Variants in PAPPA2 observed in about 807,000 individuals in gnomAD.
The protein encoded by PAPPA2 is pappalysin 2.
Under a neutral mutation model 176.4 loss-of-function variants are expected in PAPPA2, and 86 were observed. That is an observed-to-expected ratio of 0.49 (90% CI 0.41 to 0.58). The LOEUF is 0.58. Among genes scored for constraint, PAPPA2 ranks in the 20% least tolerant of loss-of-function variants. The probability of loss-of-function intolerance (pLI) is 0.00; values close to 1 mark genes in which losing one functional copy is unlikely to be tolerated. For synonymous variants in PAPPA2, 809 were observed against 852.2 expected (o/e 0.95, Z 0.88); for missense variants, 2,073 against 2,256.9 (o/e 0.92, Z 1.65).
intron 21 of PAPPA2, among the ~76,000 whole-genome samples, chr1:176,827,192 G>A (rs1666893078): frequency 6.6e-6 from 1 of 151,926 alleles, no homozygotes; most frequent in African/African-American, 2.4e-5. Flanking sequence ...CTTGGTCCTG[G>A]CCCTTCCAGT....
intron 3 of PAPPA2, among the ~76,000 whole-genome samples, chr1:176,601,698 C>T (rs1654331712): frequency 6.6e-6 from 1 of 152,206 alleles, no homozygotes; most frequent in East Asian, 1.9e-4. Context: ...GTGTCCACTT[C>T]AGTAAAATCA....
chr1:176,554,967 CAGT>C (rs1329203069), intron 1 of PAPPA2, among the ~76,000 whole-genome samples: 1 of 138,056 alleles, frequency 7.2e-6, no homozygotes, highest in Non-Finnish European at 1.6e-5. Context: ...GATCTGTTCA[CAGT>C]AAGTGTGTGT....
intron 11 of PAPPA2, 25 bp from the exon 12 acceptor site, chr1:176,711,810 A>G (rs1661158345): frequency 1.3e-6 from 2 of 1,586,196 alleles, no homozygotes; most frequent in Non-Finnish European, 1.7e-6. Flanking sequence ...CACACTTCAA[A>G]TTGTTGGTTG....
intron 1 of PAPPA2, among the ~76,000 whole-genome samples, chr1:176,541,749 G>A (rs1341332089): frequency 1.3e-5 from 2 of 152,182 alleles, no homozygotes; most frequent in Admixed American, 6.5e-5. Flanking sequence ...CAGCTACCAT[G>A]TTATTGAAGG....
rs1411356849 is a variant in PAPPA2, at chr1:176,557,211, G to A, written c.889G>A (p.Gly297Arg). ...AGTGGAAGCCTGGGTTAAACCGGAG[G>A]GAGGACAGAACAACCCAGCCATCAT... The part of the protein sequence containing the change: ...FTVEAWVKPE[G>R]GQNNPAIIAG... Residue 297 changes from glycine to arginine, a missense_variant, in exon 2 of 23, where the codon GGA becomes AGA. Gly to Arg is a moderately radical substitution (Grantham distance 125). Coordinates refer to ENST00000367662, the MANE Select transcript of PAPPA2 (RefSeq NM_020318.3). 1 of 1,605,834 alleles carries A rather than the reference G, an allele frequency of 6.2e-7. No individual in the cohort carries two copies. The highest frequency in any genetic ancestry group is 1.7e-5 in the Admixed American group (1 of 58,674).
At chr1:176,711,758 G>C (rs1661155424) in intron 11 of PAPPA2, 77 bp from the exon 12 acceptor site, 2 of 1,477,542 alleles carry the variant, frequency 1.4e-6, no homozygotes, top group Non-Finnish European at 1.9e-6. Flanking sequence ...ACTTTGCTTT[G>C]AGCTGGAGAG....
intron 21 of PAPPA2, among the ~76,000 whole-genome samples, chr1:176,804,939 G>A (rs534324951): frequency 6.6e-6 from 1 of 152,196 alleles, no homozygotes; most frequent in East Asian, 1.9e-4. Context: ...AGAAAGAAAG[G>A]AAGAGAGGAA....
intron 12 of PAPPA2, among the ~76,000 whole-genome samples, chr1:176,731,726 T>G (rs987717590): frequency 6.6e-6 from 1 of 152,186 alleles, no homozygotes. Context: ...CACACATATA[T>G]GTGTACATAT....
intron 3 of PAPPA2, 79 bp downstream of exon 3, chr1:176,595,674 A>T: frequency 7.3e-7 from 1 of 1,376,032 alleles, no homozygotes; most frequent in South Asian, 1.4e-5. Context: ...TTTGGAGGCA[A>T]ATGTGTTCAC....
intron 3 of PAPPA2, among the ~76,000 whole-genome samples, chr1:176,664,560 C>A (rs1658524897): frequency 6.6e-6 from 1 of 152,160 alleles, no homozygotes; most frequent in African/African-American, 2.4e-5. Flanking sequence ...TCTAAACAGT[C>A]CTTTTTGCCA....
chr1:176,475,556 G>A (rs1025168771), intron 1 of PAPPA2, among the ~76,000 whole-genome samples: 8 of 152,118 alleles, frequency 5.3e-5, no homozygotes, highest in Non-Finnish European at 1.2e-4. Context: ...GGCTACAGAT[G>A]TTTTTGTCCT....
At chr1:176,476,164 C>G (rs1275581291) in intron 1 of PAPPA2, among the ~76,000 whole-genome samples, 1 of 152,114 alleles carries the variant, frequency 6.6e-6, no homozygotes, top group Non-Finnish European at 1.5e-5. Context: ...TATTGAAAAT[C>G]CAGTCTCAAG....
chr1:176,824,997 C>T (rs1666801235), intron 21 of PAPPA2, among the ~76,000 whole-genome samples: 1 of 152,136 alleles, frequency 6.6e-6, no homozygotes. Context: ...TGCCTCTGAC[C>T]TGGTTCCATG....
intron 3 of PAPPA2, among the ~76,000 whole-genome samples, chr1:176,648,400 CTCTT>C (rs1206323409): frequency 6.6e-6 from 1 of 151,364 alleles, no homozygotes; most frequent in African/African-American, 2.4e-5. Flanking sequence ...TTTGAGTCCT[CTCTT>C]TCTAGTTTGG....
Position 176,575,591 on chromosome 1 carries a change from T to C in PAPPA2, c.919+18350T>C, listed in dbSNP as rs543228214. ...AATTTGTATATTCAACAAGTATTTA[T>C]TAAATATGCAATATGTGCTAGGTTC... On this transcript the variant is annotated intron_variant, in intron 2 of 22. Coordinates refer to ENST00000367662, the MANE Select transcript of PAPPA2 (RefSeq NM_020318.3). Among the ~76,000 whole-genome samples, 7 of 152,340 alleles carry C rather than the reference T, an allele frequency of 4.6e-5. No homozygotes were observed. The East Asian group carries it at 1.4e-3, about 29-fold the overall frequency.
At chr1:176,598,322 T>C (rs1389799777) in intron 3 of PAPPA2, among the ~76,000 whole-genome samples, 2 of 152,178 alleles carry the variant, frequency 1.3e-5, no homozygotes, top group African/African-American at 2.4e-5. Flanking sequence ...TTATATTGCT[T>C]GGTTCATCAA....
At chr1:176,697,219 T>C (rs1451877625) in intron 7 of PAPPA2, among the ~76,000 whole-genome samples, 1 of 152,166 alleles carries the variant, frequency 6.6e-6, no homozygotes, top group Non-Finnish European at 1.5e-5. Flanking sequence ...CCAAATCAAC[T>C]TTTAGGGCTT....
chr1:176,499,000 T>G (rs548178406), intron 1 of PAPPA2, among the ~76,000 whole-genome samples: 1 of 152,294 alleles, frequency 6.6e-6, no homozygotes, highest in East Asian at 1.9e-4. Flanking sequence ...TTTTTACTTT[T>G]TTTCTAATAT....
chr1:176,635,132 C>T (rs539107989), intron 3 of PAPPA2, among the ~76,000 whole-genome samples: 1 of 152,226 alleles, frequency 6.6e-6, no homozygotes, highest in Non-Finnish European at 1.5e-5. Context: ...AAGCAGAAAA[C>T]CTGACTGCTA....
Sources: gnomAD v4.1 joint callset for allele counts (sites outside exome capture counted in the v4.1 genomes callset) on GRCh38, gnomAD v4.1.1 for gene constraint, MANE v1.5 for transcripts, NCBI Gene and HGNC (gene_info 2026-07-23, HGNC 2026-07-21) for gene names.